TEX14: variants seen among roughly 807,000 people sequenced by gnomAD.
TEX14 encodes the protein inactive serine/threonine-protein kinase TEX14.
A neutral mutation model predicts 178.6 loss-of-function variants in TEX14; 168 were observed. The observed-to-expected ratio is 0.94, with a 90% CI of 0.83 to 1.07. The LOEUF (loss-of-function observed/expected upper bound fraction) is 1.07, where lower values mean the gene tolerates loss of function less well. Among genes scored for constraint, TEX14 ranks in the 50% least tolerant of loss-of-function variants. TEX14 has a pLI of 0.00. For synonymous variants in TEX14, 626 were observed against 634.1 expected (o/e 0.99, Z 0.19); for missense variants, 1,730 against 1,753.6 (o/e 0.99, Z 0.24).
intron 4 of TEX14, 60 bp from the exon 5 acceptor site, chr17:58,621,846 T>C: frequency 1.9e-6 from 3 of 1,540,134 alleles, no homozygotes; most frequent in Middle Eastern, 1.7e-4. Flanking sequence ...GAATGGAAGC[T>C]TGGGTATGAA....
chr17:58,659,169 G>A (rs140823391), intron 1 of TEX14, among the ~76,000 whole-genome samples: 2 of 151,442 alleles, frequency 1.3e-5, no homozygotes, highest in Admixed American at 6.6e-5. Context: ...CGCAAAAGCA[G>A]TCCCCCACTA....
intron 11 of TEX14, among the ~76,000 whole-genome samples, chr17:58,604,271 G>A (rs75749923): frequency 4.6e-5 from 7 of 151,268 alleles, no homozygotes; most frequent in African/African-American, 1.7e-4. Flanking sequence ...AAGCGATCGA[G>A]ACCAGCCTGG....
Position 58,557,816 on chromosome 17 carries a change from A to T in TEX14, c.4302T>A (p.Gly1434=), listed in dbSNP as rs1215062179. ...TTCATTACCTGGATGATTCGGACCA[A>T]CCTAGTCGCTTCCAAAAACAGGATT... is the stretch of plus-strand genomic sequence containing the variant. ...ELKSCFWKRL[G]WSESSRIIVL... is the part of the protein sequence containing the mutation. The change falls in exon 31 of 32, where the codon GGT becomes GGA. Residue 1434 remains glycine, a synonymous_variant. Coordinates refer to ENST00000349033, the MANE Select transcript of TEX14 (RefSeq NM_031272.5). 1 of 1,612,448 alleles carries T rather than the reference A, an allele frequency of 6.2e-7. No individual in the cohort carries two copies. The highest frequency in any genetic ancestry group is 8.5e-7 in the Non-Finnish European group (1 of 1,179,114).
At chr17:58,631,660 C>A (rs980651404) in intron 2 of TEX14, 1 of 151,682 alleles carries the variant, frequency 6.6e-6, no homozygotes, top group African/African-American at 2.4e-5. Context: ...ACTGCCTTCT[C>A]TAGAGAAGAA....
At chr17:58,618,913 G>A (rs186592617) in intron 5 of TEX14, among the ~76,000 whole-genome samples, 36 of 152,232 alleles carry the variant, frequency 2.4e-4, no homozygotes, top group African/African-American at 8.4e-4. Context: ...TTTCACTCTC[G>A]AAACAGCCAA....
rs446613 is a variant in TEX14, at chr17:58,672,185, A to T, written c.-2+19754T>A. 2.3e-3 allele frequency among the ~76,000 whole-genome samples: 342 copies of T among 151,942 alleles called. 2 individuals are homozygous for T. The highest frequency in any genetic ancestry group is 0.017 in the Middle Eastern group (5 of 294). ...ATGTGGCTGCTGATCTAACAGGAGG[A>T]GGTGCTCAGGCAGTAATGACATCAC... On this transcript the variant is annotated intron_variant, in intron 1 of 31. Coordinates refer to ENST00000349033, the MANE Select transcript of TEX14 (RefSeq NM_031272.5).
At chr17:58,559,867 CA>C (rs1177805212) in intron 29 of TEX14, among the ~76,000 whole-genome samples, 1 of 152,208 alleles carries the variant, frequency 6.6e-6, no homozygotes, top group African/African-American at 2.4e-5. Context: ...ACCTTAGACT[CA>C]GTCTGCCTTA....
rs1385485646 is a variant in TEX14 at position 58,630,528 on chromosome 17, A to G, written c.163T>C (p.Leu55=). ...GCAACAAAAAGTGCTGTTTGGCCCA[A>G]GGAGTTAACTGCATCAACATAAATT... ...KGIYVDAVNS[L]GQTALFVAAL... Residue 55 remains leucine (L), a synonymous_variant, in exon 3 of 32, where the codon TTG becomes CTG. Transcript: ENST00000349033. 6.2e-7 allele frequency: 1 copy of G among 1,613,870 alleles called. No individual in the cohort carries two copies. The highest frequency in any genetic ancestry group is 1.3e-5 in the African/African-American group (1 of 74,928).
chr17:58,616,482 A>G (rs2045876514), intron 6 of TEX14, among the ~76,000 whole-genome samples, 177 bp from the exon 7 acceptor site: 1 of 146,798 alleles, frequency 6.8e-6, no homozygotes, highest in South Asian at 2.2e-4. Context: ...CTCAGGCTGG[A>G]GCATATGACA....
chr17:58,690,600 G>T (rs1261796774), intron 1 of TEX14, among the ~76,000 whole-genome samples: 1 of 152,100 alleles, frequency 6.6e-6, no homozygotes, highest in African/African-American at 2.4e-5. Flanking sequence ...CAAGAATCTG[G>T]GTGCTTTATA....
intron 2 of TEX14, among the ~76,000 whole-genome samples, chr17:58,641,280 C>T (rs1028566179): frequency 1.3e-5 from 2 of 151,744 alleles, no homozygotes; most frequent in African/African-American, 4.8e-5. Context: ...CGTGGTGGCA[C>T]ATGCCTGTAA....
At position 58,605,002 on chromosome 17, in the gene TEX14, T is replaced by C. The variant is rs141909757; in HGVS notation, c.1312A>G (p.Met438Val). The part of the protein sequence containing the change: ...TVKSDIYSFS[M>V]IMQEILTDDI... ...CCTGTTAAAATCTCCTGCATGATCA[T>C]AGAAAAGCTGTAGATGTCTGATTTC... The change falls in exon 11 of 32, where the codon ATG (methionine) becomes GTG (valine). Residue 438 changes from methionine (M) to valine (V), a missense_variant. Coordinates refer to ENST00000349033, the MANE Select transcript of TEX14 (RefSeq NM_031272.5). 24 of 1,614,214 alleles carry C rather than the reference T, an allele frequency of 1.5e-5. No homozygotes were observed. Among genetic ancestry groups the C allele is most frequent in the Non-Finnish European group, 1.9e-5 (22 of 1,180,024 alleles).
chr17:58,659,281 C>T (rs1006938156), intron 1 of TEX14: 6 of 928,406 alleles, frequency 6.5e-6, no homozygotes, highest in Non-Finnish European at 7.7e-6. Context: ...GGACCAACAG[C>T]GTCTCTCCCC....
At chr17:58,671,392 A>G (rs1450560500) in intron 1 of TEX14, among the ~76,000 whole-genome samples, 3 of 152,118 alleles carry the variant, frequency 2.0e-5, no homozygotes, top group Admixed American at 2.0e-4. Flanking sequence ...AGTGGTGAAG[A>G]TTTCTCTGCC....
chr17:58,672,800 C>T (rs1311806688), intron 1 of TEX14, among the ~76,000 whole-genome samples: 2 of 151,484 alleles, frequency 1.3e-5, no homozygotes, highest in Non-Finnish European at 2.9e-5. Flanking sequence ...GGTGTGATCT[C>T]GGCTTACTGC....
rs1325362916 is a variant in TEX14, at chr17:58,579,721, G to C, written c.3182C>G (p.Pro1061Arg). 1.9e-6 allele frequency: 3 copies of C among 1,613,390 alleles called. No homozygotes were observed. The highest frequency in any genetic ancestry group is 2.5e-6 in the Non-Finnish European group (3 of 1,179,740). ...TATTCCTTCAAAGTCCTCTTCTATG[G>C]GACTCGAGGTCTAAAAAAGAACAAA... ...AVEKSYSTSS[P>R]IEEDFEGIQG... Residue 1061 changes from proline to arginine, a missense_variant, in exon 20 of 32, where the codon CCC becomes CGC. Physicochemically the swap from Pro to Arg is moderately radical, Grantham distance 103 (BLOSUM62 -2). This residue lies in a region of TEX14 where 941 missense variants were observed against 1,072.4 expected (regional missense o/e 0.88). Coordinates refer to ENST00000349033, the MANE Select transcript of TEX14 (RefSeq NM_031272.5).
chr17:58,634,424 C>CAAAG (rs974833355), intron 2 of TEX14, among the ~76,000 whole-genome samples: 1 of 151,988 alleles, frequency 6.6e-6, no homozygotes, highest in East Asian at 1.9e-4. Context: ...AATTAAAAAA[C>CAAAG]AAAGAAAGAA....
chr17:58,660,964 G>C (rs2047096664), intron 1 of TEX14: 1 of 1,133,900 alleles, frequency 8.8e-7, no homozygotes. Context: ...CCTGATCAAT[G>C]CTCTCAATCT....
At chr17:58,686,675 T>C (rs1384277124) in intron 1 of TEX14, among the ~76,000 whole-genome samples, 1 of 152,066 alleles carries the variant, frequency 6.6e-6, no homozygotes, top group Non-Finnish European at 1.5e-5. Flanking sequence ...CAAATACATA[T>C]TGGGCTTCTA....
Sources: gnomAD v4.1 joint callset for allele counts (sites outside exome capture counted in the v4.1 genomes callset) on GRCh38, gnomAD v4.1.1 for gene constraint, gnomAD v4.1.1 regional missense constraint, MANE v1.5 for transcripts, NCBI Gene and HGNC (gene_info 2026-07-23, HGNC 2026-07-21) for gene names.